Variants in TMEM232 observed in about 807,000 individuals in gnomAD.
The protein encoded by TMEM232 is transmembrane protein 232.
TMEM232 carries 80 observed loss-of-function variants against 78.8 expected under a neutral mutation model. The ratio of observed to expected loss-of-function variants is 1.01; its 90% confidence interval spans 0.85 to 1.22. The LOEUF is 1.22. TMEM232 is among the 50% of genes most tolerant of loss of function. The pLI is 0.00. For missense variants in TMEM232, 881 were observed against 742.2 expected, an observed-to-expected ratio of 1.19 and a Z score of -2.17; for synonymous variants, 297 against 254.3, an observed-to-expected ratio of 1.17 and a Z score of -1.60.
rs1305762055 is a variant in TMEM232 at position 110,523,953 on chromosome 5, TA to T, written c.1703+4634del. 5.6e-3 allele frequency among the ~76,000 whole-genome samples: 400 copies of T among 70,832 alleles called. 4 individuals are homozygous for T. The highest frequency in any genetic ancestry group is 0.024 in the African/African-American group (350 of 14,882). 46.5% of individuals were successfully genotyped at this position (70,832 alleles called of 152,430 possible). ...TAGCCTGGGTGACAAAGACTTGGTT[TA>T]AAAAAAAAAAAAGGGGGGGGGGCGG... On this transcript the variant is annotated intron_variant, in intron 12 of 13. Coordinates refer to ENST00000455884, the MANE Select transcript of TMEM232 (RefSeq NM_001039763.4).
chr5:110,518,413 C>G (rs146866662), intron 12 of TMEM232, among the ~76,000 whole-genome samples: 29 of 152,238 alleles, frequency 1.9e-4, no homozygotes, highest in Middle Eastern at 3.4e-3. Context: ...CAGAATGCAT[C>G]TGGAGACTCT....
chr5:110,536,291 TTTC>T (rs1772345443), intron 11 of TMEM232, among the ~76,000 whole-genome samples: 1 of 152,218 alleles, frequency 6.6e-6, no homozygotes, highest in African/African-American at 2.4e-5. Context: ...TTGCCTTTTT[TTTC>T]TTTTTCAGTA....
intron 1 of TMEM232, among the ~76,000 whole-genome samples, chr5:110,687,007 T>A (rs887952508): frequency 6.6e-6 from 1 of 152,156 alleles, no homozygotes; most frequent in African/African-American, 2.4e-5. Context: ...GCACTGTTAA[T>A]CAAGTCTGCT....
chr5:110,624,268 C>T (rs909245132), intron 7 of TMEM232, among the ~76,000 whole-genome samples: 1 of 152,012 alleles, frequency 6.6e-6, no homozygotes, highest in African/African-American at 2.4e-5. Context: ...TTCATGTTTG[C>T]ATGGCATTTA....
chr5:110,730,643 T>C (rs1798589373), upstream of TMEM232, among the ~76,000 whole-genome samples: 1 of 151,998 alleles, frequency 6.6e-6, no homozygotes, highest in Non-Finnish European at 1.5e-5. Flanking sequence ...GAGGAGGAAG[T>C]AAAAGCAGAA....
intron 2 of TMEM232, among the ~76,000 whole-genome samples, chr5:110,399,641 C>T (rs2112567263): frequency 6.6e-6 from 1 of 152,206 alleles, no homozygotes; most frequent in South Asian, 2.1e-4. Context: ...GGATTCTCCC[C>T]AGCCAGTGCT....
chr5:110,660,522 C>G (rs149756178), intron 2 of TMEM232, among the ~76,000 whole-genome samples: 5 of 151,836 alleles, frequency 3.3e-5, no homozygotes, highest in Non-Finnish European at 5.9e-5. Flanking sequence ...AAATGGCAAA[C>G]AGGAAATAAA....
At chr5:110,441,461 C>T (rs768190524) in intron 12 of TMEM232, among the ~76,000 whole-genome samples, 3 of 152,048 alleles carry the variant, frequency 2.0e-5, no homozygotes, top group African/African-American at 2.4e-5. Context: ...CAGTGAAGTG[C>T]GGGGAGACAG....
chr5:110,462,576 T>C (rs1761651769), intron 12 of TMEM232, among the ~76,000 whole-genome samples: 1 of 152,190 alleles, frequency 6.6e-6, no homozygotes, highest in South Asian at 2.1e-4. Flanking sequence ...ACTCTGGGAC[T>C]CTTGGACCTT....
intron 2 of TMEM232, among the ~76,000 whole-genome samples, chr5:110,732,981 CAACA>C (rs1798822615): frequency 6.6e-6 from 1 of 151,770 alleles, no homozygotes; most frequent in Non-Finnish European, 1.5e-5. Context: ...TATATGAAAA[CAACA>C]AACAATTTCA....
At chr5:110,509,370 G>C (rs1767427374) in intron 12 of TMEM232, among the ~76,000 whole-genome samples, 1 of 152,112 alleles carries the variant, frequency 6.6e-6, no homozygotes, top group African/African-American at 2.4e-5. Flanking sequence ...CCAGGAGTTT[G>C]AGTCTGCTGA....
At chr5:110,455,834 A>G (rs1331196718) in intron 12 of TMEM232, among the ~76,000 whole-genome samples, 1 of 152,238 alleles carries the variant, frequency 6.6e-6, no homozygotes. Context: ...CCACATCACT[A>G]AAAAAGAAAA....
At chr5:110,441,181 G>T (rs1758999902) in intron 12 of TMEM232, among the ~76,000 whole-genome samples, 1 of 152,032 alleles carries the variant, frequency 6.6e-6, no homozygotes, top group Admixed American at 6.6e-5. Flanking sequence ...TTGCTGTGGG[G>T]GTTGTCCTGT....
intron 8 of TMEM232, among the ~76,000 whole-genome samples, chr5:110,613,618 G>A (rs1782573787): frequency 6.6e-6 from 1 of 152,058 alleles, no homozygotes; most frequent in South Asian, 2.1e-4. Flanking sequence ...AGCAAATCCT[G>A]ATGAAGTCTT....
chr5:110,708,291 A>C (rs562817172), intron 1 of TMEM232, among the ~76,000 whole-genome samples: 1 of 152,200 alleles, frequency 6.6e-6, no homozygotes, highest in Non-Finnish European at 1.5e-5. Context: ...CAAGGCAAAC[A>C]CAAGTTGAGG....
At chr5:110,482,424 T>C (rs1489641591) in intron 12 of TMEM232, among the ~76,000 whole-genome samples, 1 of 151,876 alleles carries the variant, frequency 6.6e-6, no homozygotes, top group African/African-American at 2.4e-5. Flanking sequence ...CTACTAAAAA[T>C]ACAAAAATTA....
intron 11 of TMEM232, among the ~76,000 whole-genome samples, chr5:110,550,951 T>A (rs1216066415): frequency 1.8e-5 from 2 of 110,576 alleles, no homozygotes; most frequent in Admixed American, 1.6e-4. Context: ...AATCCAGCCA[T>A]TTTTTTTTTT....
At chr5:110,675,540 T>A (rs796311847) in intron 1 of TMEM232, among the ~76,000 whole-genome samples, 8 of 152,298 alleles carry the variant, frequency 5.3e-5, no homozygotes, top group African/African-American at 1.9e-4. Flanking sequence ...CATGGAGCTG[T>A]ATTCTGCCAA....
At chr5:110,535,162 C>T (rs1197605663) in intron 11 of TMEM232, among the ~76,000 whole-genome samples, 1 of 152,136 alleles carries the variant, frequency 6.6e-6, no homozygotes, top group African/African-American at 2.4e-5. Flanking sequence ...TCCCCTGTGA[C>T]CTGCCTGTAC....
Sources: gnomAD v4.1 joint callset for allele counts (sites outside exome capture counted in the v4.1 genomes callset) on GRCh38, gnomAD v4.1.1 for gene constraint, MANE v1.5 for transcripts, NCBI Gene and HGNC (gene_info 2026-07-23, HGNC 2026-07-21) for gene names.